The following OPCML variants were observed in gnomAD, a reference collection of about 807,000 sequenced individuals.
The protein encoded by OPCML is opioid binding protein/cell adhesion molecule like.
In OPCML, 13 loss-of-function variants were observed where a neutral mutation model predicts 37.8. That is an observed-to-expected ratio of 0.34 (90% confidence interval 0.22 to 0.55). OPCML has a LOEUF of 0.55. Among genes scored for constraint, OPCML ranks in the 20% least tolerant of loss-of-function variants. The pLI, the probability that OPCML is intolerant of heterozygous loss-of-function variation, is 0.91. For missense variants in OPCML, 341 were observed against 435.6 expected (o/e 0.78, Z 1.93); for synonymous variants, 176 against 168.8 (o/e 1.04, Z -0.33).
rs530907752 is a variant in OPCML, at chr11:133,280,731, G to C, written c.61+251533C>G. 7.2e-5 allele frequency among the ~76,000 whole-genome samples: 11 copies of C among 152,246 alleles called. No homozygotes were observed. In the South Asian group the frequency reaches 2.3e-3, roughly 32 times the overall value. On this transcript the variant is annotated intron_variant, in intron 1 of 7. Transcript: ENST00000524381. The stretch of plus-strand genomic sequence containing the variant: ...CATTGTTGGTAGAAGCTGGTACCCT[G>C]GTTGCATAAAAACAATGAGGCCTCT...
chr11:133,340,574 T>C (rs1009511104), intron 1 of OPCML, among the ~76,000 whole-genome samples: 2 of 151,946 alleles, frequency 1.3e-5, no homozygotes, highest in Admixed American at 6.6e-5. Context: ...CTGATCTCTA[T>C]ATAACTACTC....
intron 1 of OPCML, chr11:133,418,270 A>G (rs1945810505): frequency 2.0e-6 from 2 of 985,300 alleles, no homozygotes; most frequent in African/African-American, 1.7e-5. Flanking sequence ...ACACCATTCT[A>G]GAGTGACATG....
chr11:132,735,532 G>C (rs1945225840), intron 2 of OPCML, among the ~76,000 whole-genome samples: 1 of 152,068 alleles, frequency 6.6e-6, no homozygotes, highest in Non-Finnish European at 1.5e-5. Flanking sequence ...TGTTGCCCAG[G>C]CTGGAGTGCA....
At chr11:133,379,003 C>T (rs1356197731) in intron 1 of OPCML, among the ~76,000 whole-genome samples, 1 of 152,138 alleles carries the variant, frequency 6.6e-6, no homozygotes, top group African/African-American at 2.4e-5. Context: ...GCAGTTCTCC[C>T]ACCTGAGCCT....
chr11:132,733,929 G>T (rs532505091), intron 2 of OPCML, among the ~76,000 whole-genome samples: 14 of 152,278 alleles, frequency 9.2e-5, no homozygotes, highest in African/African-American at 3.1e-4. Context: ...AAAATCTCAA[G>T]ATTTTGAATT....
chr11:133,363,638 C>A (rs1261963904), intron 1 of OPCML, among the ~76,000 whole-genome samples: 1 of 152,162 alleles, frequency 6.6e-6, no homozygotes, highest in African/African-American at 2.4e-5. Context: ...GTTCTCGCAC[C>A]TGCATGGAAA....
chr11:132,641,371 C>T (rs914217644), intron 3 of OPCML, among the ~76,000 whole-genome samples: 1 of 152,176 alleles, frequency 6.6e-6, no homozygotes, highest in Non-Finnish European at 1.5e-5. Context: ...CCTCTTAAGG[C>T]AGGTGCAAGA....
At chr11:133,014,245 A>G (rs145521309) in intron 1 of OPCML, among the ~76,000 whole-genome samples, 1 of 151,906 alleles carries the variant, frequency 6.6e-6, no homozygotes, top group African/African-American at 2.4e-5. Context: ...TTCAAAAGCC[A>G]CCTCTTGGAG....
At chr11:133,227,432 T>C (rs1940086097) in intron 1 of OPCML, among the ~76,000 whole-genome samples, 5 of 152,104 alleles carry the variant, frequency 3.3e-5, no homozygotes, top group Admixed American at 3.3e-4. Context: ...ATCTCCCAGT[T>C]TGAAAAGAGA....
At chr11:133,248,756 T>C (rs967442142) in intron 1 of OPCML, among the ~76,000 whole-genome samples, 1 of 152,172 alleles carries the variant, frequency 6.6e-6, no homozygotes, top group African/African-American at 2.4e-5. Flanking sequence ...GGAGTTGTGG[T>C]TGTGGTGGGA....
rs188906750 is a variant in OPCML, at chr11:132,602,738, C to T, written c.379+54349G>A. On this transcript the variant is annotated intron_variant, in intron 3 of 7. Coordinates refer to ENST00000524381, the MANE Select transcript of OPCML (RefSeq NM_001012393.5). ...TCTTAAGTAGGATGATTTGCGCCAC[C>T]TAAATTAGATCCCAGTCCATGAGGA... Among the ~76,000 whole-genome samples, 6 of 152,346 alleles carry T rather than the reference C, an allele frequency of 3.9e-5. No individual in the cohort carries two copies. In the East Asian group the frequency reaches 1.2e-3, roughly 29 times the overall value.
At chr11:132,659,669 T>G (rs1941867880) in intron 2 of OPCML, among the ~76,000 whole-genome samples, 1 of 152,140 alleles carries the variant, frequency 6.6e-6, no homozygotes, top group Non-Finnish European at 1.5e-5. Context: ...TTAGAACATA[T>G]TCACATTTAA....
chr11:132,936,414 G>A (rs1945376136), intron 2 of OPCML, among the ~76,000 whole-genome samples: 1 of 152,180 alleles, frequency 6.6e-6, no homozygotes. Context: ...GCTGTTAATA[G>A]GGATTGTAAT....
At chr11:132,999,569 C>G (rs12577087) in intron 1 of OPCML, among the ~76,000 whole-genome samples, 118,211 of 141,278 alleles carry the variant, frequency 0.84, 47,625 homozygotes, top group South Asian at 0.88. Context: ...CAAATGGGGT[C>G]GGGGGGGGAA....
intron 1 of OPCML, among the ~76,000 whole-genome samples, chr11:133,207,652 T>C (rs978794898): frequency 2.6e-5 from 4 of 152,184 alleles, no homozygotes; most frequent in African/African-American, 9.7e-5. Context: ...CATGTATTCA[T>C]TTAAAGAAAT....
chr11:133,108,278 T>A (rs963126164), intron 1 of OPCML, among the ~76,000 whole-genome samples: 13 of 152,218 alleles, frequency 8.5e-5, no homozygotes, highest in African/African-American at 3.1e-4. Context: ...TCAGTCTTAG[T>A]CCTTAGAAGG....
At chr11:133,252,251 AG>A (rs1452548835) in intron 1 of OPCML, among the ~76,000 whole-genome samples, 1 of 152,218 alleles carries the variant, frequency 6.6e-6, no homozygotes, top group Non-Finnish European at 1.5e-5. Context: ...AAGTTAGACC[AG>A]AAATACGTAC....
chr11:133,135,081 C>T (rs553672273), intron 1 of OPCML, among the ~76,000 whole-genome samples: 1 of 152,258 alleles, frequency 6.6e-6, no homozygotes, highest in South Asian at 2.1e-4. Context: ...TCTGGAAAAA[C>T]TGCTCTGAAA....
intron 1 of OPCML, among the ~76,000 whole-genome samples, chr11:133,388,076 G>A (rs1737129774): frequency 6.6e-6 from 1 of 152,126 alleles, no homozygotes. Flanking sequence ...AGTCTTAAGG[G>A]AAGCTCTAAA....
Sources: gnomAD v4.1 joint callset for allele counts (sites outside exome capture counted in the v4.1 genomes callset) on GRCh38, gnomAD v4.1.1 for gene constraint, MANE v1.5 for transcripts, NCBI Gene and HGNC (gene_info 2026-07-23, HGNC 2026-07-21) for gene names.